The following DGKG variants were observed in gnomAD, a reference collection of about 807,000 sequenced individuals.
DGKG encodes DAG kinase gamma.
A neutral mutation model predicts 105.3 loss-of-function variants in DGKG; 78 were observed. The ratio of observed to expected loss-of-function variants is 0.74; its 90% confidence interval spans 0.62 to 0.89. The LOEUF (loss-of-function observed/expected upper bound fraction) is 0.89. Among genes scored for constraint, DGKG ranks in the 40% least tolerant of loss-of-function variants. The probability of loss-of-function intolerance (pLI) is 0.00; values close to 1 mark genes in which losing one functional copy is unlikely to be tolerated. For synonymous variants in DGKG, 346 were observed against 367.1 expected, an observed-to-expected ratio of 0.94 and a Z score of 0.66; for missense variants, 958 against 1,020.1, an observed-to-expected ratio of 0.94 and a Z score of 0.83.
chr3:186,338,999 A>C (rs1725963888), intron 1 of DGKG, among the ~76,000 whole-genome samples: 1 of 152,178 alleles, frequency 6.6e-6, no homozygotes, highest in Admixed American at 6.5e-5. Context: ...ACGATGCATG[A>C]ATGTATACCA....
At chr3:186,239,424 C>T (rs1560109461) in intron 20 of DGKG, among the ~76,000 whole-genome samples, 3 of 152,186 alleles carry the variant, frequency 2.0e-5, no homozygotes, top group Admixed American at 6.5e-5. Context: ...CTATGCCTTG[C>T]GGCCTTTCCT....
rs34134152 is a variant in DGKG, at chr3:186,243,895, G to GTTTTTTTTTTTTTTTTTT, written c.1762-1345_1762-1328dup. Reference sequence around the variant, plus strand: ...CTATTTCTTATATGAAAATTTCTGTGTTTTTTTTTTTTTTTTTTGAGATGG... The same window carrying GTTTTTTTTTTTTTTTTTT: ...CTATTTCTTATATGAAAATTTCTGTGTTTTTTTTTTTTTTTTTTTTTTTTTTTTTTTTTTTTGAGATGG... On this transcript the variant is annotated intron_variant, in intron 19 of 24. Coordinates refer to ENST00000265022, the MANE Select transcript of DGKG (RefSeq NM_001346.3). 3.0e-4 allele frequency among the ~76,000 whole-genome samples: 35 copies of GTTTTTTTTTTTTTTTTTT among 116,316 alleles called. 1 individual carries two copies. The highest frequency in any genetic ancestry group is 1.2e-3 in the African/African-American group (33 of 27,558). 76.3% of individuals were successfully genotyped at this position (116,316 alleles called of 152,430 possible). A position where few individuals can be genotyped will look rare whatever the true frequency, so the allele number is the denominator to read the frequency against.
At chr3:186,297,320 C>T in intron 5 of DGKG, 101 bp downstream of exon 5, 1 of 899,628 alleles carries the variant, frequency 1.1e-6, no homozygotes, top group Middle Eastern at 2.4e-4. Flanking sequence ...TAAGATTGCA[C>T]AATTATATGA....
Position 186,149,047 on chromosome 3 carries a change from A to G in DGKG, c.*1043T>C. The stretch of plus-strand genomic sequence containing the variant: ...ACACGCGCGCACACACGTTAAGACC[A>G]TCAGAAGGTCCTTCAGGTCATACTC... On this transcript the variant is annotated 3_prime_UTR_variant, in exon 25 of 25. Transcript: ENST00000265022. 1.0e-6 allele frequency: 1 copy of G among 983,758 alleles called. No individual in the cohort carries two copies. Among genetic ancestry groups the G allele is most frequent in the Non-Finnish European group, 1.2e-6 (1 of 829,568 alleles). The allele number at this position is 983,758 out of a possible 1,614,324, so 60.9% of individuals were successfully genotyped here.
At chr3:186,238,470 T>A (rs1261333843) in intron 20 of DGKG, among the ~76,000 whole-genome samples, 1 of 152,306 alleles carries the variant, frequency 6.6e-6, no homozygotes, top group East Asian at 1.9e-4. Flanking sequence ...TTGTAAAGAA[T>A]ACTTGAGCAC....
At chr3:186,301,712 A>T (rs970578153) in intron 3 of DGKG, among the ~76,000 whole-genome samples, 1 of 152,250 alleles carries the variant, frequency 6.6e-6, no homozygotes, top group African/African-American at 2.4e-5. Flanking sequence ...TACACTATAC[A>T]TTATAAAATA....
Position 186,251,916 on chromosome 3 carries a change from T to C in DGKG, c.1604A>G (p.Tyr535Cys). The stretch of plus-strand genomic sequence containing the variant: ...GATTTTTGTCAAGCTGCCCCCTTCA[T>C]AACCTGTGGAGGACAGCACTGCATT... ...LARCLRWGGG[Y>C]EGGSLTKILK... The change falls in exon 19 of 25, where the codon TAT becomes TGT. Residue 535 changes from tyrosine to cysteine, a missense_variant. Tyr to Cys is a radical substitution (Grantham distance 194). Coordinates refer to ENST00000265022, the MANE Select transcript of DGKG (RefSeq NM_001346.3). The C allele has an allele frequency of 6.3e-6, 10 of 1,576,796 alleles. No individual in the cohort carries two copies. The highest frequency in any genetic ancestry group is 7.8e-6 in the Non-Finnish European group (9 of 1,159,988).
At chr3:186,329,543 A>T (rs993009783) in intron 1 of DGKG, among the ~76,000 whole-genome samples, 1 of 152,190 alleles carries the variant, frequency 6.6e-6, no homozygotes, top group African/African-American at 2.4e-5. Flanking sequence ...ATGACATCAG[A>T]TTGGAGAAGC....
chr3:186,174,514 G>A (rs1176650169), intron 22 of DGKG, among the ~76,000 whole-genome samples: 1 of 152,192 alleles, frequency 6.6e-6, no homozygotes, highest in African/African-American at 2.4e-5. Context: ...AGAGCAGAGA[G>A]ATTATGACCT....
chr3:186,258,945 G>GC (rs1186091067), intron 16 of DGKG, among the ~76,000 whole-genome samples: 1 of 152,140 alleles, frequency 6.6e-6, no homozygotes, highest in Admixed American at 6.5e-5. Flanking sequence ...GAATGAATGT[G>GC]CCCTGCGGAC....
At chr3:186,170,510 T>G (rs751854171) in intron 22 of DGKG, among the ~76,000 whole-genome samples, 1 of 152,206 alleles carries the variant, frequency 6.6e-6, no homozygotes, top group Non-Finnish European at 1.5e-5. Flanking sequence ...AACTTGGGCC[T>G]TAGGCAAGAA....
chr3:186,257,874 C>A lies in DGKG; in HGVS notation c.1490G>T (p.Gly497Val), dbSNP rs1328096307. Residue 497 changes from glycine to valine, a missense_variant, in exon 17 of 25, where the codon GGC becomes GTC. Transcript: ENST00000265022. ...VLACGGDGTV[G>V]WILDCIDKAN... The stretch of plus-strand genomic sequence containing the variant: ...CTTACCAATGCAATCCAAAATCCAG[C>A]CAACTGTCCCATCTCCACCACAGGC... The A allele has an allele frequency of 6.2e-7, 1 of 1,614,006 alleles. No homozygotes were observed. Among genetic ancestry groups the A allele is most frequent in the Non-Finnish European group, 8.5e-7 (1 of 1,179,942 alleles).
At chr3:186,152,726 C>T (rs1715824001) in intron 24 of DGKG, among the ~76,000 whole-genome samples, 1 of 152,170 alleles carries the variant, frequency 6.6e-6, no homozygotes, top group Admixed American at 6.5e-5. Context: ...TGCAGTGATG[C>T]AATCTCGGCT....
chr3:186,252,855 T>G (rs193251832), intron 18 of DGKG, among the ~76,000 whole-genome samples: 2 of 152,222 alleles, frequency 1.3e-5, no homozygotes, highest in East Asian at 3.9e-4. Flanking sequence ...TTCAGGATGA[T>G]AGTAAACTCG....
intron 21 of DGKG, 102 bp from the exon 22 acceptor site, chr3:186,188,481 A>G: frequency 8.2e-7 from 1 of 1,212,316 alleles, no homozygotes; most frequent in Non-Finnish European, 1.2e-6. Flanking sequence ...TACTCTCTTA[A>G]AGGATGTGAC....
intron 4 of DGKG, 88 bp downstream of exon 4, chr3:186,297,976 A>G: frequency 1.4e-6 from 2 of 1,460,264 alleles, no homozygotes; most frequent in Middle Eastern, 2.5e-4. Flanking sequence ...TACTATGTTC[A>G]GGGGACCCTC....
Position 186,210,559 on chromosome 3 carries a change from G to A in DGKG, c.1917+1236C>T, listed in dbSNP as rs189477687. 534 of 453,242 alleles carry A rather than the reference G, an allele frequency of 1.2e-3. 5 individuals are homozygous for A. The highest frequency in any genetic ancestry group is 5.4e-4 in the Non-Finnish European group (122 of 226,262). 28.1% of individuals were successfully genotyped at this position (453,242 alleles called of 1,614,324 possible). On this transcript the variant is annotated intron_variant, in intron 21 of 24. Transcript: ENST00000265022. This position sits in a 1 kb window ranked among gnomAD's most constrained non-coding sequence, Gnocchi z 5.2. ...AGCAACCGAAGAGGAGAGGCAGGCA[G>A]ATGAGTCAAATGCAGCCGCACAGAA...
chr3:186,350,941 T>C (rs1006668172), intron 1 of DGKG, among the ~76,000 whole-genome samples: 1 of 152,144 alleles, frequency 6.6e-6, no homozygotes, highest in Non-Finnish European at 1.5e-5. Flanking sequence ...TTGAATTGGG[T>C]TTTTTTGTTG....
At chr3:186,186,734 C>T (rs988155165) in intron 22 of DGKG, among the ~76,000 whole-genome samples, 1 of 152,228 alleles carries the variant, frequency 6.6e-6, no homozygotes, top group African/African-American at 2.4e-5. Flanking sequence ...TCCAGCTCAC[C>T]TGTCCATTGA....
Sources: gnomAD v4.1 joint callset for allele counts (sites outside exome capture counted in the v4.1 genomes callset) on GRCh38, gnomAD v4.1.1 for gene constraint, Gnocchi (gnomAD v3.1) non-coding constraint, MANE v1.5 for transcripts, NCBI Gene and HGNC (gene_info 2026-07-23, HGNC 2026-07-21) for gene names.